Variants in SPACA6 observed in about 807,000 individuals in gnomAD.
SPACA6 encodes sperm acrosome associated 6, also known as sperm acrosome membrane-associated protein 6.
For synonymous variants in SPACA6, 6 were observed against 1.5 expected (o/e 4.05, Z -2.21); for missense variants, 8 against 2.8 (o/e 2.88, Z -1.34).
chr19:51,683,745 C>T, the SPACA6 span, among the ~76,000 whole-genome samples: 1 of 152,180 alleles, frequency 6.6e-6, no homozygotes. Flanking sequence ...TACATTAACT[C>T]CTTTAATCCT....
intron 3 of SPACA6, among the ~76,000 whole-genome samples, chr19:51,702,077 C>T (rs952309343): frequency 1.3e-5 from 2 of 152,074 alleles, no homozygotes; most frequent in African/African-American, 4.8e-5. Context: ...ACGAAACCCA[C>T]TCCTGAGACC....
intron 2 of SPACA6, among the ~76,000 whole-genome samples, chr19:51,700,461 T>A (rs942149914): frequency 6.6e-6 from 1 of 152,186 alleles, no homozygotes; most frequent in African/African-American, 2.4e-5. Flanking sequence ...AAAAAAGAGA[T>A]GCCAAACGTT....
chr19:51,685,030 T>C (rs556917007), upstream of SPACA6, among the ~76,000 whole-genome samples: 9 of 152,336 alleles, frequency 5.9e-5, no homozygotes, highest in South Asian at 1.7e-3. Context: ...TACTTTGATG[T>C]TCCTCATGAC....
At chr19:51,693,005 T>C, upstream of SPACA6, 1 of 377,628 alleles carries the variant, frequency 2.6e-6, no homozygotes, top group Non-Finnish European at 5.4e-6. Flanking sequence ...CTCCTTCCCC[T>C]GAAATCTGTT....
Position 51,703,702 on chromosome 19 carries a change from G to A in SPACA6, c.574-328G>A, listed in dbSNP as rs112990246. Among the ~76,000 whole-genome samples the A allele has an allele frequency of 6.0e-3, 907 of 152,282 alleles. 8 individuals carry two copies. The highest frequency in any genetic ancestry group is 0.021 in the African/African-American group (878 of 41,560). ...TAGTCCCAGCCACTGGGGAGGCTGA[G>A]CGGGAAGACTGCTTAAGTCCAGGAG... On this transcript the variant is annotated intron_variant, in intron 6 of 8. Transcript: ENST00000637797. This position sits in a 1 kb window ranked among gnomAD's most constrained non-coding sequence, Gnocchi z 4.2.
At chr19:51,692,864 G>C, upstream of SPACA6, 1 of 534,342 alleles carries the variant, frequency 1.9e-6, no homozygotes, top group Non-Finnish European at 3.8e-6. This position sits in a 1 kb window ranked among gnomAD's most constrained non-coding sequence, Gnocchi z 5.6. Flanking sequence ...CTTTCCCCAG[G>C]CTGCGCCCTG....
downstream of SPACA6, among the ~76,000 whole-genome samples, chr19:51,707,965 G>A (rs945156505): frequency 2.6e-5 from 4 of 152,214 alleles, no homozygotes; most frequent in African/African-American, 7.2e-5. Flanking sequence ...GTGCGTGGAT[G>A]CACTCACCAG....
At chr19:51,702,057 C>A (rs534451634) in intron 3 of SPACA6, among the ~76,000 whole-genome samples, 1 of 152,252 alleles carries the variant, frequency 6.6e-6, no homozygotes, top group African/African-American at 2.4e-5. Flanking sequence ...GAGCAAGACT[C>A]CATCTCAAAA....
chr19:51,683,798 A>G, the SPACA6 span, among the ~76,000 whole-genome samples: 1 of 152,132 alleles, frequency 6.6e-6, no homozygotes, highest in African/African-American at 2.4e-5. Context: ...TATTACACCC[A>G]TTTTACTGAT....
In SPACA6 at chr19:51,705,064, A is replaced by G. The variant is rs79527963; in HGVS notation, c.942-26A>G. On this transcript the variant is annotated intron_variant, in intron 8 of 8. Coordinates refer to ENST00000637797, the MANE Select transcript of SPACA6 (RefSeq NM_001316972.2). ...TTTCTAGTCACCAACCCCTCCTGTA[A>G]CACACATACCTCTTTGTTTCCCCAG... 4,243 of 401,050 alleles carry G rather than the reference A, an allele frequency of 0.011. 290 individuals are homozygous for G. In the East Asian group the frequency reaches 0.13, roughly 13 times the overall value. The allele number at this position is 401,050 out of a possible 1,614,324, so 24.8% of individuals were successfully genotyped here.
chr19:51,693,008 A>G, upstream of SPACA6: 1 of 366,808 alleles, frequency 2.7e-6, no homozygotes, highest in South Asian at 2.0e-5. Flanking sequence ...CTTCCCCTGA[A>G]ATCTGTTTTC....
At chr19:51,690,571 G>GA (rs1409120077), upstream of SPACA6, among the ~76,000 whole-genome samples, 7 of 152,024 alleles carry the variant, frequency 4.6e-5, no homozygotes, top group African/African-American at 1.7e-4. Context: ...TCTGCTCTCT[G>GA]ACCCTTGGGG....
intron 2 of SPACA6, among the ~76,000 whole-genome samples, chr19:51,699,650 A>G (rs2083454428): frequency 1.3e-5 from 2 of 152,040 alleles, no homozygotes; most frequent in Non-Finnish European, 2.9e-5. Context: ...CCCTGTGTGC[A>G]TCTCTGTGTC....
upstream of SPACA6, chr19:51,686,811 T>C (rs968776066): frequency 6.6e-6 from 1 of 152,196 alleles, no homozygotes; most frequent in Non-Finnish European, 1.5e-5. Context: ...AATGATATAA[T>C]GTATAACAAA....
downstream of SPACA6, chr19:51,712,512 G>A (rs905533682): frequency 2.0e-5 from 3 of 152,406 alleles, no homozygotes; most frequent in Admixed American, 6.5e-5. Flanking sequence ...GCTCCGAAGC[G>A]AAAGGAGAAC....
upstream of SPACA6, among the ~76,000 whole-genome samples, chr19:51,684,371 A>T (rs1249765429): frequency 2.0e-5 from 3 of 152,204 alleles, no homozygotes; most frequent in African/African-American, 7.2e-5. Flanking sequence ...AAAAGAAGGT[A>T]TGGCCCAAGG....
At chr19:51,691,501 T>G (rs1283077612), upstream of SPACA6, among the ~76,000 whole-genome samples, 18 of 125,182 alleles carry the variant, frequency 1.4e-4, no homozygotes, top group East Asian at 4.8e-4. Flanking sequence ...AGACAGAAGG[T>G]AGAGGAAAAG....
chr19:51,709,750 G>C (rs966844244), downstream of SPACA6, among the ~76,000 whole-genome samples: 3 of 152,170 alleles, frequency 2.0e-5, no homozygotes, highest in East Asian at 1.9e-4. Context: ...GTGGAAGCAG[G>C]CATCGCTGTG....
At chr19:51,698,668 G>A (rs1188862874) in intron 2 of SPACA6, among the ~76,000 whole-genome samples, 1 of 152,196 alleles carries the variant, frequency 6.6e-6, no homozygotes. Flanking sequence ...CTCTCCAAGT[G>A]TATATCCAGT....
Sources: gnomAD v4.1 joint callset for allele counts (sites outside exome capture counted in the v4.1 genomes callset) on GRCh38, gnomAD v4.1.1 for gene constraint, Gnocchi (gnomAD v3.1) non-coding constraint, MANE v1.5 for transcripts, NCBI Gene and HGNC (gene_info 2026-07-23, HGNC 2026-07-21) for gene names.